CREG2: variants seen among roughly 807,000 people sequenced by gnomAD.
CREG2 encodes the protein cellular repressor of E1A stimulated genes 2, also known as protein CREG2.
A neutral mutation model predicts 26.2 loss-of-function variants in CREG2; 24 were observed. That is an observed-to-expected ratio of 0.92 (90% CI 0.66 to 1.29). The LOEUF (loss-of-function observed/expected upper bound fraction) is 1.29, where lower values mean the gene tolerates loss of function less well. Among genes scored for constraint, CREG2 ranks in the 50% most tolerant of loss-of-function variants. The probability of loss-of-function intolerance (pLI) is 0.00; values close to 1 mark genes in which losing one functional copy is unlikely to be tolerated. For synonymous variants in CREG2, 174 were observed against 169.2 expected, an observed-to-expected ratio of 1.03 and a Z score of -0.22; for missense variants, 366 against 398.6, an observed-to-expected ratio of 0.92 and a Z score of 0.70.
At chr2:101,354,349 C>T (rs950826729) in intron 3 of CREG2, among the ~76,000 whole-genome samples, 14 of 152,224 alleles carry the variant, frequency 9.2e-5, no homozygotes, top group African/African-American at 3.1e-4. Flanking sequence ...GCCATGAGCT[C>T]ATGTGAACAT....
At chr2:101,356,891 T>C (rs1684470109) in intron 2 of CREG2, among the ~76,000 whole-genome samples, 1 of 150,446 alleles carries the variant, frequency 6.6e-6, no homozygotes, top group Non-Finnish European at 1.5e-5. Flanking sequence ...AAGGGAACTT[T>C]TTCTTCTTTT....
Position 101,387,426 on chromosome 2 carries a change from C to A in CREG2, c.32G>T (p.Arg11Leu). The change falls in exon 1 of 4, where the codon CGG becomes CTG. Residue 11 changes from arginine to leucine, a missense_variant. Coordinates refer to ENST00000324768, the MANE Select transcript of CREG2 (RefSeq NM_153836.4). The surrounding 1 kb of genome is among the most constrained non-coding windows in gnomAD (Gnocchi z 4.7). ...CAGCCAGGAGAGGCGGGTCCCCGGC[C>A]GCGCCGGCCGCCGGCCGCGGCGCAC... MSVRRGRRPA[R>L]PGTRLSWLLC... 8.0e-7 allele frequency: 1 copy of A among 1,246,700 alleles called. No homozygotes were observed. The highest frequency in any genetic ancestry group is 2.8e-5 in the South Asian group (1 of 35,486). 77.2% of individuals were successfully genotyped at this position (1,246,700 alleles called of 1,614,324 possible).
At chr2:101,355,895 T>C (rs1013015144) in intron 2 of CREG2, among the ~76,000 whole-genome samples, 2 of 152,090 alleles carry the variant, frequency 1.3e-5, no homozygotes, top group South Asian at 2.1e-4. Flanking sequence ...TTGCCGTCAG[T>C]GATGGCTAAG....
intron 2 of CREG2, among the ~76,000 whole-genome samples, chr2:101,356,883 G>A (rs892684434): frequency 6.6e-6 from 1 of 152,070 alleles, no homozygotes; most frequent in African/African-American, 2.4e-5. Context: ...ATGTGGGGAA[G>A]GGAACTTTTT....
chr2:101,382,618 G>A, intron 2 of CREG2: 3 of 985,444 alleles, frequency 3.0e-6, no homozygotes, highest in Non-Finnish European at 3.6e-6. Context: ...GTCTGTCGTG[G>A]CTGAGGGGAA....
At chr2:101,362,368 T>C (rs1684555585) in intron 2 of CREG2, among the ~76,000 whole-genome samples, 1 of 152,208 alleles carries the variant, frequency 6.6e-6, no homozygotes, top group South Asian at 2.1e-4. Flanking sequence ...TTCCTCTGAA[T>C]TTTTCAGTTA....
At chr2:101,369,737 G>C (rs559487859) in intron 2 of CREG2, among the ~76,000 whole-genome samples, 8 of 152,196 alleles carry the variant, frequency 5.3e-5, no homozygotes, top group African/African-American at 1.9e-4. Flanking sequence ...ATCCGTGACG[G>C]TGTTTAGCAT....
At chr2:101,370,295 C>T (rs1684684955) in intron 2 of CREG2, among the ~76,000 whole-genome samples, 1 of 152,122 alleles carries the variant, frequency 6.6e-6, no homozygotes, top group Admixed American at 6.6e-5. Context: ...TATTAATTTC[C>T]ATCTTTTTTT....
chr2:101,361,961 T>C (rs999329604), intron 2 of CREG2, among the ~76,000 whole-genome samples: 1 of 152,096 alleles, frequency 6.6e-6, no homozygotes, highest in African/African-American at 2.4e-5. Flanking sequence ...ATCTCATCTA[T>C]TGTTGAGGCA....
At chr2:101,381,082 T>C (rs549364049) in intron 2 of CREG2, among the ~76,000 whole-genome samples, 1 of 152,200 alleles carries the variant, frequency 6.6e-6, no homozygotes, top group Non-Finnish European at 1.5e-5. Flanking sequence ...CATGGGCGCT[T>C]TCTTGAATCT....
intron 2 of CREG2, among the ~76,000 whole-genome samples, chr2:101,360,023 A>C (rs1296690930): frequency 6.6e-6 from 1 of 152,222 alleles, no homozygotes; most frequent in African/African-American, 2.4e-5. Context: ...TTCAATTGCA[A>C]GCTTATCTTC....
intron 2 of CREG2, among the ~76,000 whole-genome samples, chr2:101,378,875 G>A (rs973064658): frequency 2.0e-5 from 3 of 151,978 alleles, no homozygotes; most frequent in Non-Finnish European, 4.4e-5. Flanking sequence ...GCACGGTGGT[G>A]GGTGTCTGTA....
chr2:101,360,164 T>C (rs965986752), intron 2 of CREG2, among the ~76,000 whole-genome samples: 1 of 152,198 alleles, frequency 6.6e-6, no homozygotes, highest in Non-Finnish European at 1.5e-5. Context: ...AAAATGTTGA[T>C]TTACTGGGCA....
intron 2 of CREG2, among the ~76,000 whole-genome samples, chr2:101,358,474 A>G (rs1001121431): frequency 1.7e-4 from 26 of 152,216 alleles, no homozygotes; most frequent in Admixed American, 1.3e-4. Context: ...ACCACATGGG[A>G]AAAAAAAGAG....
rs952856616 is a variant in CREG2, at chr2:101,349,151, T to C, written c.*1772A>G. 1 of 152,660 alleles carries C rather than the reference T, an allele frequency of 6.6e-6. No individual in the cohort carries two copies. Among genetic ancestry groups the C allele is most frequent in the Non-Finnish European group, 1.5e-5 (1 of 68,048 alleles). The allele number at this position is 152,660 out of a possible 1,614,324, so 9.5% of individuals were successfully genotyped here. A position where few individuals can be genotyped will look rare whatever the true frequency, so the allele number is the denominator to read the frequency against. On this transcript the variant is annotated 3_prime_UTR_variant, in exon 4 of 4. Coordinates refer to ENST00000324768, the MANE Select transcript of CREG2 (RefSeq NM_153836.4). ...CCAGTATTAAGGTGTGAGGTTGACT[T>C]ATGCAATACATTTGAGCATGTCATT...
intron 2 of CREG2, among the ~76,000 whole-genome samples, chr2:101,361,228 C>T (rs1252089886): frequency 6.6e-6 from 1 of 152,090 alleles, no homozygotes; most frequent in Admixed American, 6.5e-5. Context: ...AGTGGAAAAC[C>T]CAGCTAAACT....
chr2:101,380,016 A>ATCT lies in CREG2; in HGVS notation c.611+3516_611+3517insAGA, dbSNP rs1558821220. On this transcript the variant is annotated intron_variant, in intron 2 of 3. Transcript: ENST00000324768. Reference sequence around the variant, plus strand: ...CTATCTATCTATCTATCTATCTATCAATCATCTATCCATCCATTCATCTAT... The same window carrying ATCT: ...CTATCTATCTATCTATCTATCTATCATCTATCATCTATCCATCCATTCATCTAT... Among the ~76,000 whole-genome samples, 197 of 125,344 alleles carry ATCT rather than the reference A, an allele frequency of 1.6e-3. 2 individuals are homozygous for ATCT. The highest frequency in any genetic ancestry group is 4.2e-3 in the Middle Eastern group (1 of 238). 82.2% of individuals were successfully genotyped at this position (125,344 alleles called of 152,430 possible).
At chr2:101,351,735 A>G (rs923924203) in intron 3 of CREG2, among the ~76,000 whole-genome samples, 5 of 152,124 alleles carry the variant, frequency 3.3e-5, no homozygotes, top group Admixed American at 2.6e-4. Context: ...CGTTGAGGGC[A>G]GGGGCTGTGG....
chr2:101,372,202 C>A (rs576864883), intron 2 of CREG2, among the ~76,000 whole-genome samples: 55 of 152,248 alleles, frequency 3.6e-4, no homozygotes, highest in African/African-American at 1.3e-3. Flanking sequence ...ACGTGTTACA[C>A]CTTGTTGTCT....
Sources: allele counts gnomAD v4.1 joint callset (sites outside exome capture counted in the v4.1 genomes callset), GRCh38; gene constraint gnomAD v4.1.1; non-coding constraint Gnocchi (gnomAD v3.1); transcripts MANE v1.5; gene names NCBI Gene and HGNC (gene_info 2026-07-23, HGNC 2026-07-21).